ROR2: variants seen among roughly 807,000 people sequenced by gnomAD.
The protein encoded by ROR2 is tyrosine-protein kinase transmembrane receptor ROR2.
In ROR2, 33 loss-of-function variants were observed where a neutral mutation model predicts 74.9. The ratio of observed to expected loss-of-function variants is 0.44; its 90% CI spans 0.33 to 0.59. The LOEUF (loss-of-function observed/expected upper bound fraction) is 0.59. Ranked by LOEUF, ROR2 falls within the 20% of genes least tolerant of loss-of-function variation. The probability of loss-of-function intolerance (pLI) is 0.02; values close to 1 mark genes in which losing one functional copy is unlikely to be tolerated. For synonymous variants in ROR2, 586 were observed against 558.7 expected (o/e 1.05, Z -0.69); for missense variants, 1,216 against 1,313.8 (o/e 0.93, Z 1.15).
In ROR2 at chr9:91,829,618, A is replaced by G. The variant is rs145699453; in HGVS notation, c.98-53800T>C. On this transcript the variant is annotated intron_variant, in intron 1 of 8. Coordinates refer to ENST00000375708, the MANE Select transcript of ROR2 (RefSeq NM_004560.4). The stretch of plus-strand genomic sequence containing the variant: ...CTGTGAGCTCAGGTGTAATCTGTGA[A>G]TATTTCCAGGTTACCTGAAACCAAG... Among the ~76,000 whole-genome samples the G allele has an allele frequency of 2.3e-3, 354 of 151,704 alleles. 1 individual carries two copies. Among genetic ancestry groups the G allele is most frequent in the African/African-American group, 8.0e-3 (330 of 41,284 alleles).
intron 4 of ROR2, among the ~76,000 whole-genome samples, chr9:91,748,107 C>T (rs1445651743): frequency 1.3e-5 from 2 of 151,978 alleles, no homozygotes; most frequent in African/African-American, 2.4e-5. Context: ...ACTAAAAAAC[C>T]AACCAACAAA....
chr9:91,934,803 T>C (rs1313364956), intron 1 of ROR2, among the ~76,000 whole-genome samples: 1 of 152,154 alleles, frequency 6.6e-6, no homozygotes, highest in Non-Finnish European at 1.5e-5. Context: ...TCTGAAAACA[T>C]ATACAACACT....
intron 1 of ROR2, among the ~76,000 whole-genome samples, chr9:91,847,522 T>C (rs1025239637): frequency 1.3e-5 from 2 of 152,168 alleles, no homozygotes; most frequent in African/African-American, 4.8e-5. Flanking sequence ...ATAAAGAGAC[T>C]TGAGGGCGCC....
At chr9:91,861,072 C>T (rs1564005500) in intron 1 of ROR2, among the ~76,000 whole-genome samples, 1 of 152,118 alleles carries the variant, frequency 6.6e-6, no homozygotes, top group East Asian at 1.9e-4. Flanking sequence ...AAGGCTTACA[C>T]TCTGAAAACT....
chr9:91,730,012 A>G (rs935771603), intron 7 of ROR2, among the ~76,000 whole-genome samples: 4 of 152,224 alleles, frequency 2.6e-5, no homozygotes, highest in African/African-American at 9.6e-5. Context: ...ACTGGAGCGT[A>G]GTGGCACCAT....
At chr9:91,797,289 G>A (rs1827213204) in intron 1 of ROR2, among the ~76,000 whole-genome samples, 1 of 14,366 alleles carries the variant, frequency 7.0e-5, no homozygotes, top group Non-Finnish European at 1.1e-4. Context: ...GGGCAGGGCT[G>A]ACACCCTGGG....
intron 1 of ROR2, among the ~76,000 whole-genome samples, chr9:91,848,896 T>C (rs1319305007): frequency 1.3e-5 from 2 of 152,146 alleles, no homozygotes; most frequent in East Asian, 3.9e-4. Context: ...GAGATACACA[T>C]TCTAGTGTTT....
chr9:91,756,021 C>G (rs776299570), intron 4 of ROR2, 50 bp downstream of exon 4: 3 of 1,596,764 alleles, frequency 1.9e-6, no homozygotes. Context: ...TCCTACATAA[C>G]AAAAACCCTC....
At chr9:91,922,868 G>A (rs1564041098) in intron 1 of ROR2, among the ~76,000 whole-genome samples, 1 of 152,030 alleles carries the variant, frequency 6.6e-6, no homozygotes, top group Non-Finnish European at 1.5e-5. Flanking sequence ...TCCAACCCCA[G>A]TCCAGCTGCT....
intron 1 of ROR2, among the ~76,000 whole-genome samples, chr9:91,788,955 T>G (rs1301145078): frequency 6.6e-6 from 1 of 151,200 alleles, no homozygotes; most frequent in African/African-American, 2.4e-5. Flanking sequence ...GAGAGTAGAA[T>G]AGTGGCCACT....
At chr9:91,925,937 C>T (rs998025453) in intron 1 of ROR2, among the ~76,000 whole-genome samples, 1 of 152,158 alleles carries the variant, frequency 6.6e-6, no homozygotes, top group African/African-American at 2.4e-5. Flanking sequence ...GCATGATTTG[C>T]GTGCACACTT....
chr9:91,850,970 G>A (rs920822670), intron 1 of ROR2, among the ~76,000 whole-genome samples: 1 of 151,992 alleles, frequency 6.6e-6, no homozygotes, highest in African/African-American at 2.4e-5. Flanking sequence ...TCTCCCAAAG[G>A]CACACTCAAT....
At chr9:91,768,259 G>C (rs534690986) in intron 2 of ROR2, among the ~76,000 whole-genome samples, 33 of 152,260 alleles carry the variant, frequency 2.2e-4, no homozygotes, top group Admixed American at 6.5e-4. Flanking sequence ...ACCTCGTCTT[G>C]AAGTCCTTTG....
intron 1 of ROR2, among the ~76,000 whole-genome samples, chr9:91,908,735 T>C (rs114882380): frequency 0.02 from 3,113 of 152,258 alleles, 108 homozygotes; most frequent in African/African-American, 0.072. Context: ...TTACCCAAAA[T>C]GAGCTCCACT....
Position 91,775,776 on chromosome 9 carries a change from A to T in ROR2, c.140T>A (p.Leu47His). The change falls in exon 2 of 9, where the codon CTT becomes CAT. Residue 47 changes from leucine (L) to histidine (H), a missense_variant. Physicochemically the swap from Leu to His is moderately conservative, Grantham distance 99. Coordinates refer to ENST00000375708, the MANE Select transcript of ROR2 (RefSeq NM_004560.4). Reference sequence around the variant, plus strand: ...TGGAATCGGGCCGTCCTGCCCATCAAGGGGTCCTAAAGGGTCGTTCGGATC... The same window carrying T: ...TGGAATCGGGCCGTCCTGCCCATCATGGGGTCCTAAAGGGTCGTTCGGATC... ...VLDPNDPLGP[L>H]DGQDGPIPTL... The T allele has an allele frequency of 6.2e-7, 1 of 1,614,186 alleles. No individual in the cohort carries two copies. Among genetic ancestry groups the T allele is most frequent in the Admixed American group, 1.7e-5 (1 of 60,016 alleles).
intron 1 of ROR2, among the ~76,000 whole-genome samples, chr9:91,788,093 G>A (rs747921002): frequency 6.6e-6 from 1 of 152,130 alleles, no homozygotes; most frequent in Non-Finnish European, 1.5e-5. Context: ...TCACTAGACA[G>A]ACTCAACAAC....
intron 1 of ROR2, among the ~76,000 whole-genome samples, chr9:91,807,963 A>T (rs1587738320): frequency 6.6e-6 from 1 of 152,160 alleles, no homozygotes; most frequent in African/African-American, 2.4e-5. Flanking sequence ...GTGCTCACCC[A>T]GGGCTAGCTC....
At chr9:91,860,409 A>G (rs1212034365) in intron 1 of ROR2, among the ~76,000 whole-genome samples, 1 of 152,198 alleles carries the variant, frequency 6.6e-6, no homozygotes, top group South Asian at 2.1e-4. Flanking sequence ...GAGCAAGCAC[A>G]TGCCAACGGA....
At chr9:91,851,387 A>G (rs565103325) in intron 1 of ROR2, among the ~76,000 whole-genome samples, 143 of 152,164 alleles carry the variant, frequency 9.4e-4, no homozygotes, top group Non-Finnish European at 1.7e-3. Context: ...AGAAAAAGAA[A>G]AAAAATTCCA....
Sources: gnomAD v4.1 joint callset for allele counts (sites outside exome capture counted in the v4.1 genomes callset) on GRCh38, gnomAD v4.1.1 for gene constraint, MANE v1.5 for transcripts, NCBI Gene and HGNC (gene_info 2026-07-23, HGNC 2026-07-21) for gene names.